Variants in KLHL28 observed in about 807,000 individuals in gnomAD.
KLHL28 encodes the protein kelch-like protein 28.
Under a neutral mutation model 48.3 loss-of-function variants are expected in KLHL28, and 22 were observed. The observed-to-expected ratio is 0.46, with a 90% CI of 0.33 to 0.65. The LOEUF (loss-of-function observed/expected upper bound fraction) is 0.65. KLHL28 is among the 30% of genes least tolerant of loss of function. KLHL28 has a pLI of 0.03. For synonymous variants in KLHL28, 243 were observed against 242.4 expected (o/e 1.00, Z -0.02); for missense variants, 527 against 704.3 (o/e 0.75, Z 2.85).
intron 1 of KLHL28, among the ~76,000 whole-genome samples, chr14:44,954,506 C>A (rs1054958282): frequency 6.6e-6 from 1 of 152,126 alleles, no homozygotes; most frequent in African/African-American, 2.4e-5. Flanking sequence ...CAGTACTATA[C>A]AGCGATGAAA....
chr14:44,957,988 C>A (rs192017617), intron 1 of KLHL28, among the ~76,000 whole-genome samples: 6 of 150,896 alleles, frequency 4.0e-5, no homozygotes, highest in Non-Finnish European at 7.4e-5. Context: ...AAAGAAGGAT[C>A]CATGGAACAA....
At chr14:44,958,745 T>G (rs1421927448) in intron 1 of KLHL28, among the ~76,000 whole-genome samples, 1 of 152,146 alleles carries the variant, frequency 6.6e-6, no homozygotes. Context: ...AGTTACATAA[T>G]TAATCCCTGT....
At chr14:44,947,143 A>G (rs2138637842) in intron 1 of KLHL28, among the ~76,000 whole-genome samples, 1 of 152,302 alleles carries the variant, frequency 6.6e-6, no homozygotes. Context: ...AGTGGGCCCA[A>G]AATGCAATCA....
Position 44,934,193 on chromosome 14 carries a change from G to T in KLHL28, c.1265C>A (p.Thr422Lys). The part of the protein sequence containing the change: ...KWQPVAPMTT[T>K]RSCFAAAVLD... Reference sequence around the variant, plus strand: ...TACCGCTGCAGCAAAACAACTTCTTGTTGTCGTCATTGGTGCCACAGGTTG... The same window carrying T: ...TACCGCTGCAGCAAAACAACTTCTTTTTGTCGTCATTGGTGCCACAGGTTG... The change falls in exon 3 of 5, where the codon ACA becomes AAA. Residue 422 changes from threonine to lysine, a missense_variant. Thr to Lys is a moderately conservative substitution (Grantham distance 78). Coordinates refer to ENST00000396128, the MANE Select transcript of KLHL28 (RefSeq NM_017658.5). 1 of 1,614,098 alleles carries T rather than the reference G, an allele frequency of 6.2e-7. No homozygotes were observed. Among genetic ancestry groups the T allele is most frequent in the Non-Finnish European group, 8.5e-7 (1 of 1,179,992 alleles).
In KLHL28 at chr14:44,958,627, A is replaced by G. The variant is rs138391813; in HGVS notation, c.-1+3219T>C. Among the ~76,000 whole-genome samples, 898 of 152,232 alleles carry G rather than the reference A, an allele frequency of 5.9e-3. 7 individuals carry two copies. Among genetic ancestry groups the G allele is most frequent in the Non-Finnish European group, 9.2e-3 (625 of 67,930 alleles). The stretch of plus-strand genomic sequence containing the variant: ...GATTTGACTTTTATTGACAAACAAA[A>G]GAAAAGTAAAATTAGAAGCCTGTCA... On this transcript the variant is annotated intron_variant, in intron 1 of 4. Coordinates refer to ENST00000396128, the MANE Select transcript of KLHL28 (RefSeq NM_017658.5).
At chr14:44,947,462 C>T (rs905698347) in intron 1 of KLHL28, among the ~76,000 whole-genome samples, 2 of 152,182 alleles carry the variant, frequency 1.3e-5, no homozygotes, top group African/African-American at 4.8e-5. Context: ...AGAATTAATA[C>T]ATGGATATTT....
chr14:44,958,122 T>C (rs1884870479), intron 1 of KLHL28, among the ~76,000 whole-genome samples: 1 of 151,360 alleles, frequency 6.6e-6, no homozygotes, highest in Non-Finnish European at 1.5e-5. Context: ...ATTCTGAATC[T>C]TGGTAACTGC....
chr14:44,932,542 AG>A (rs565364067), intron 3 of KLHL28, among the ~76,000 whole-genome samples: 33 of 152,306 alleles, frequency 2.2e-4, no homozygotes, highest in South Asian at 1.4e-3. Flanking sequence ...AAAGGCACAG[AG>A]GTAAGATTGT....
At chr14:44,960,247 G>A (rs984719449) in intron 1 of KLHL28, among the ~76,000 whole-genome samples, 1 of 152,176 alleles carries the variant, frequency 6.6e-6, no homozygotes, top group Admixed American at 6.5e-5. Flanking sequence ...TAAGACTTTC[G>A]AAGTTCCTTT....
chr14:44,953,270 T>C (rs1884663528), intron 1 of KLHL28, among the ~76,000 whole-genome samples: 1 of 152,320 alleles, frequency 6.6e-6, no homozygotes, highest in Middle Eastern at 3.4e-3. Flanking sequence ...ACTAGATTTC[T>C]GCTACATACC....
chr14:44,942,105 G>A (rs1264734922), intron 2 of KLHL28, among the ~76,000 whole-genome samples: 1 of 152,014 alleles, frequency 6.6e-6, no homozygotes, highest in East Asian at 1.9e-4. Flanking sequence ...ATATTTCATA[G>A]GCACTTCAAA....
At chr14:44,960,130 T>G (rs535860716) in intron 1 of KLHL28, among the ~76,000 whole-genome samples, 2 of 152,182 alleles carry the variant, frequency 1.3e-5, no homozygotes, top group Non-Finnish European at 2.9e-5. Context: ...CTGTAATGTA[T>G]AGTGATCCAC....
At chr14:44,939,696 C>T (rs1019210961) in intron 2 of KLHL28, among the ~76,000 whole-genome samples, 2 of 152,116 alleles carry the variant, frequency 1.3e-5, no homozygotes, top group East Asian at 1.9e-4. Flanking sequence ...CTTTACTGTG[C>T]ACATTTCTAT....
rs1485848888 is a variant in KLHL28, at chr14:44,925,275, C to T, written c.*3753G>A. 2 of 152,058 alleles carry T rather than the reference C, an allele frequency of 1.3e-5. No homozygotes were observed. The highest frequency in any genetic ancestry group is 1.9e-4 in the East Asian group (1 of 5,202). 9.4% of individuals were successfully genotyped at this position (152,058 alleles called of 1,614,324 possible). On this transcript the variant is annotated 3_prime_UTR_variant, in exon 5 of 5. Coordinates refer to ENST00000396128, the MANE Select transcript of KLHL28 (RefSeq NM_017658.5). ...CAATACCAGGAATCCAACACCAAAA[C>T]TGAAAATAAACACAACATGTACATA... is the stretch of plus-strand genomic sequence containing the variant.
intron 1 of KLHL28, among the ~76,000 whole-genome samples, chr14:44,956,995 T>A (rs1237688960): frequency 6.6e-6 from 1 of 152,190 alleles, no homozygotes; most frequent in Non-Finnish European, 1.5e-5. Flanking sequence ...TATTTTTTAT[T>A]TTTATTTTTT....
At position 44,929,113 on chromosome 14, in the gene KLHL28, T is replaced by C; in HGVS notation, c.1631A>G (p.Gln544Arg). 6.2e-7 allele frequency: 1 copy of C among 1,614,034 alleles called. No homozygotes were observed. The highest frequency in any genetic ancestry group is 8.5e-7 in the Non-Finnish European group (1 of 1,179,968). ...CGTATCTGAGATAGGATCATATTTC[T>C]GCACTGTATTCAGATAGGAAGACCC... ...HSGSSYLNTV[Q>R]KYDPISDTWL... Residue 544 changes from glutamine to arginine, a missense_variant, in exon 5 of 5, where the codon CAG becomes CGG. Coordinates refer to ENST00000396128, the MANE Select transcript of KLHL28 (RefSeq NM_017658.5).
chr14:44,944,063 T>A (rs1021490346), intron 2 of KLHL28, among the ~76,000 whole-genome samples: 2 of 152,016 alleles, frequency 1.3e-5, no homozygotes, highest in Non-Finnish European at 2.9e-5. Context: ...TTTCCTAACA[T>A]TGGAAAGGGA....
At chr14:44,930,009 T>C (rs1883513640) in intron 4 of KLHL28, among the ~76,000 whole-genome samples, 1 of 152,170 alleles carries the variant, frequency 6.6e-6, no homozygotes, top group African/African-American at 2.4e-5. Context: ...ATTTAAAATA[T>C]ATTAAATGAC....
chr14:44,937,152 T>C (rs1408462374), intron 2 of KLHL28, among the ~76,000 whole-genome samples: 3 of 150,986 alleles, frequency 2.0e-5, no homozygotes, highest in African/African-American at 7.3e-5. Flanking sequence ...TTTTTTCTTT[T>C]TTTTTTTTTT....
Sources: gnomAD v4.1 joint callset for allele counts (sites outside exome capture counted in the v4.1 genomes callset) on GRCh38, gnomAD v4.1.1 for gene constraint, MANE v1.5 for transcripts, NCBI Gene and HGNC (gene_info 2026-07-23, HGNC 2026-07-21) for gene names.